MED12L: variants seen among roughly 807,000 people sequenced by gnomAD.
MED12L encodes mediator of RNA polymerase II transcription subunit 12-like protein.
Under a neutral mutation model 281.3 loss-of-function variants are expected in MED12L, and 60 were observed. The ratio of observed to expected loss-of-function variants is 0.21; its 90% confidence interval spans 0.17 to 0.26. The LOEUF is 0.26. Ranked by LOEUF, MED12L falls within the 10% of genes least tolerant of loss-of-function variation. MED12L has a pLI of 1.00. For missense variants in MED12L, 2,146 were observed against 2,680.9 expected, an observed-to-expected ratio of 0.80 and a Z score of 4.41; for synonymous variants, 974 against 987.2, an observed-to-expected ratio of 0.99 and a Z score of 0.25.
intron 20 of MED12L, among the ~76,000 whole-genome samples, chr3:151,358,129 C>A (rs1754159710): frequency 6.6e-6 from 1 of 152,000 alleles, no homozygotes; most frequent in East Asian, 1.9e-4. Context: ...TAATCTAGCA[C>A]ATGTAATCAA....
chr3:151,173,829 G>A (rs139620626), intron 11 of MED12L, among the ~76,000 whole-genome samples: 5 of 152,256 alleles, frequency 3.3e-5, no homozygotes, highest in South Asian at 4.1e-4. Context: ...GTTCTTGACT[G>A]GACAGCTTTT....
chr3:151,386,630 G>A (rs1713412818), intron 36 of MED12L, among the ~76,000 whole-genome samples: 1 of 149,100 alleles, frequency 6.7e-6, no homozygotes, highest in African/African-American at 2.5e-5. Context: ...AGGCTGGAGT[G>A]CAGTGGCGTG....
At chr3:151,379,182 G>A (rs1476627517) in intron 31 of MED12L, among the ~76,000 whole-genome samples, 3 of 152,216 alleles carry the variant, frequency 2.0e-5, no homozygotes, top group Admixed American at 6.5e-5. Context: ...CAACAAGGAA[G>A]CATAATTCTA....
chr3:151,302,742 G>A (rs1746111062), intron 16 of MED12L, among the ~76,000 whole-genome samples: 1 of 151,966 alleles, frequency 6.6e-6, no homozygotes. Flanking sequence ...GGGAATCTCT[G>A]CTACTTCTTC....
At chr3:151,389,940 G>T (rs746078054) in intron 37 of MED12L, 39 bp from the exon 38 acceptor site, 1 of 1,604,594 alleles carries the variant, frequency 6.2e-7, no homozygotes, top group Non-Finnish European at 8.5e-7. Context: ...TGTGTGATAT[G>T]TGGAGTTACG....
In MED12L at chr3:151,165,848, G is replaced by A; in HGVS notation, c.1360G>A (p.Val454Met). Residue 454 changes from valine (V) to methionine (M), a missense_variant and splice_region_variant, in exon 11 of 45, where the codon GTG becomes ATG. Transcript: ENST00000687756. Reference sequence around the variant, plus strand: ...ACTTGTTTAATTTCTGCCTATAGGGGTGACTATTAGTCGGGTTTTGCACAC... The same window carrying A: ...ACTTGTTTAATTTCTGCCTATAGGGATGACTATTAGTCGGGTTTTGCACAC... ...FDKCQESTAG[V>M]TISRVLHTLE... 1 of 1,613,184 alleles carries A rather than the reference G, an allele frequency of 6.2e-7. No homozygotes were observed. Among genetic ancestry groups the A allele is most frequent in the Non-Finnish European group, 8.5e-7 (1 of 1,179,750 alleles).
At chr3:151,126,151 C>G (rs777394887) in intron 4 of MED12L, among the ~76,000 whole-genome samples, 11 of 151,136 alleles carry the variant, frequency 7.3e-5, no homozygotes, top group Admixed American at 2.6e-4. Flanking sequence ...CAGGCTCAAG[C>G]AATTCTCCCA....
intron 16 of MED12L, among the ~76,000 whole-genome samples, chr3:151,291,313 AC>A (rs1744236319): frequency 8.0e-5 from 1 of 12,510 alleles, no homozygotes; most frequent in African/African-American, 1.5e-4. Context: ...CTTAGGCACC[AC>A]ATTCTCTTGA....
At chr3:151,156,022 T>A (rs191137676) in intron 5 of MED12L, 139 bp from the exon 6 acceptor site, 186 of 717,776 alleles carry the variant, frequency 2.6e-4, no homozygotes, top group Non-Finnish European at 3.5e-4. Context: ...GCACTGCTTG[T>A]ACAGGCACAG....
chr3:151,121,981 C>G (rs886750577), intron 3 of MED12L, among the ~76,000 whole-genome samples: 2 of 151,978 alleles, frequency 1.3e-5, no homozygotes, highest in Non-Finnish European at 1.5e-5. Flanking sequence ...CCCAAAGTGC[C>G]GTGATTACAG....
chr3:151,206,891 G>A (rs1203107419), intron 16 of MED12L, among the ~76,000 whole-genome samples: 5 of 151,864 alleles, frequency 3.3e-5, no homozygotes, highest in African/African-American at 1.2e-4. Flanking sequence ...TGATCCACCT[G>A]CCTCGGCCTC....
At chr3:151,289,881 A>ATT (rs35528070) in intron 16 of MED12L, among the ~76,000 whole-genome samples, 4 of 145,174 alleles carry the variant, frequency 2.8e-5, no homozygotes, top group Non-Finnish European at 6.1e-5. Flanking sequence ...CTCGAACACA[A>ATT]TTTTTTTTTT....
chr3:151,214,287 T>G (rs55936523), intron 16 of MED12L: 131,231 of 1,613,676 alleles, frequency 0.081, 6,028 homozygotes, highest in Non-Finnish European at 0.094. Context: ...AGGATTCATC[T>G]GGAGGCTGTG....
intron 2 of MED12L, among the ~76,000 whole-genome samples, chr3:151,091,638 C>A (rs1308455737): frequency 6.6e-6 from 1 of 152,226 alleles, no homozygotes; most frequent in East Asian, 1.9e-4. Flanking sequence ...GAATTTGTGC[C>A]CTCTCTTAGT....
Position 151,193,545 on chromosome 3 carries a change from G to A in MED12L, c.2129G>A (p.Arg710Lys). 1 of 1,614,036 alleles carries A rather than the reference G, an allele frequency of 6.2e-7. No individual in the cohort carries two copies. Among genetic ancestry groups the A allele is most frequent in the Non-Finnish European group, 8.5e-7 (1 of 1,179,948 alleles). ...SCENANTSLG[R>K]RMSVNCEKLV... ...GAGAATGCCAACACTTCGTTGGGCA[G>A]AAGAATGTCAGTTAATTGTGAGAAG... The change falls in exon 16 of 45, where the codon AGA becomes AAA. Residue 710 changes from arginine (R) to lysine (K), a missense_variant. By Grantham distance (26) the Arg-to-Lys change is conservative. Transcript: ENST00000687756.
chr3:151,342,026 C>T (rs564810654), intron 16 of MED12L, among the ~76,000 whole-genome samples: 166 of 152,098 alleles, frequency 1.1e-3, no homozygotes, highest in African/African-American at 3.4e-3. Context: ...TGAATAGTGC[C>T]GCAATAAACA....
At chr3:151,129,881 G>C (rs1715118859) in intron 5 of MED12L, among the ~76,000 whole-genome samples, 1 of 152,066 alleles carries the variant, frequency 6.6e-6, no homozygotes, top group South Asian at 2.1e-4. Context: ...TGATCTTCCT[G>C]CCTCAGCCTC....
At chr3:151,366,390 A>G (rs561280244) in intron 23 of MED12L, among the ~76,000 whole-genome samples, 4 of 152,306 alleles carry the variant, frequency 2.6e-5, no homozygotes, top group Non-Finnish European at 5.9e-5. Context: ...GATATTTTTA[A>G]GTGCAAGGCG....
At chr3:151,360,264 A>T (rs577000291) in intron 20 of MED12L, among the ~76,000 whole-genome samples, 1 of 152,104 alleles carries the variant, frequency 6.6e-6, no homozygotes, top group African/African-American at 2.4e-5. Flanking sequence ...GTCATCAGTG[A>T]CATTTCTGAA....
Sources: allele counts gnomAD v4.1 joint callset (sites outside exome capture counted in the v4.1 genomes callset), GRCh38; gene constraint gnomAD v4.1.1; transcripts MANE v1.5; gene names NCBI Gene and HGNC (gene_info 2026-07-23, HGNC 2026-07-21).